Variants in CHST9 observed in about 807,000 individuals in gnomAD.
CHST9 encodes carbohydrate sulfotransferase 9.
CHST9 carries 41 observed loss-of-function variants against 44.4 expected under a neutral mutation model. That is an observed-to-expected ratio of 0.92 (90% CI 0.72 to 1.20). CHST9 has a LOEUF of 1.20. Among genes scored for constraint, CHST9 ranks in the 50% most tolerant of loss-of-function variants. CHST9 has a pLI of 0.00. For synonymous variants in CHST9, 171 were observed against 178.4 expected (o/e 0.96, Z 0.33); for missense variants, 504 against 516.5 (o/e 0.98, Z 0.23).
chr18:27,113,772 C>A (rs146619282), intron 2 of CHST9, among the ~76,000 whole-genome samples: 8 of 152,222 alleles, frequency 5.3e-5, no homozygotes, highest in African/African-American at 1.9e-4. Flanking sequence ...CCCCAGTTTA[C>A]GGTATTTTGT....
chr18:26,941,882 T>C (rs1041735554), intron 5 of CHST9, among the ~76,000 whole-genome samples: 2 of 152,162 alleles, frequency 1.3e-5, no homozygotes, highest in Non-Finnish European at 2.9e-5. Flanking sequence ...ACAGGCTGGA[T>C]ATTGGCCAGC....
chr18:26,951,454 G>A (rs759096332), intron 4 of CHST9, among the ~76,000 whole-genome samples: 6 of 152,132 alleles, frequency 3.9e-5, no homozygotes, highest in South Asian at 2.1e-4. Flanking sequence ...CTGCATTTCA[G>A]AAAAATGCCA....
Position 27,075,020 on chromosome 18 carries a change from T to A in CHST9, c.122-26517A>T, listed in dbSNP as rs201681873. 2.5e-3 allele frequency among the ~76,000 whole-genome samples: 374 copies of A among 150,584 alleles called. 1 individual carries two copies. Among genetic ancestry groups the A allele is most frequent in the African/African-American group, 8.8e-3 (362 of 41,168 alleles). ...TTTTCCACTATGTTTTTCTTTTTTT[T>A]ATGTGTAAAAGCTAGGAAATAGAGA... On this transcript the variant is annotated intron_variant, in intron 2 of 5. Coordinates refer to ENST00000618847, the MANE Select transcript of CHST9 (RefSeq NM_031422.6).
Position 27,185,214 on chromosome 18 carries a change from G to A in CHST9, c.-175C>T, listed in dbSNP as rs2058947348. The A allele has an allele frequency of 6.6e-6, 1 of 152,190 alleles. No individual in the cohort carries two copies. Among genetic ancestry groups the A allele is most frequent in the East Asian group, 1.9e-4 (1 of 5,146 alleles). 9.4% of individuals were successfully genotyped at this position (152,190 alleles called of 1,614,324 possible). A position where few individuals can be genotyped will look rare whatever the true frequency, so the allele number is the denominator to read the frequency against. On this transcript the variant is annotated 5_prime_UTR_variant, in exon 1 of 6. Transcript: ENST00000618847. ...TCGGAGGAAACTTCCCCGCGCTCCG[G>A]GGCAAACTCCCGCGCACTCCTGGCA... is the stretch of plus-strand genomic sequence containing the variant.
At chr18:26,941,523 CT>C (rs1311855003) in intron 5 of CHST9, among the ~76,000 whole-genome samples, 3 of 151,166 alleles carry the variant, frequency 2.0e-5, no homozygotes, top group Non-Finnish European at 4.4e-5. Context: ...AAAGTATTAT[CT>C]TTCATCTAGT....
chr18:26,952,862 G>A (rs2056269957), intron 4 of CHST9, among the ~76,000 whole-genome samples: 1 of 152,158 alleles, frequency 6.6e-6, no homozygotes, highest in African/African-American at 2.4e-5. Context: ...ATAAACTGCA[G>A]TGCCTCCTGA....
chr18:27,128,425 A>G (rs2058443699), intron 2 of CHST9, among the ~76,000 whole-genome samples: 1 of 152,098 alleles, frequency 6.6e-6, no homozygotes, highest in Admixed American at 6.5e-5. Context: ...AAGTGCCATG[A>G]CGCCCGGCTA....
rs531783735 is a variant in CHST9 at position 26,917,959 on chromosome 18, A to G, written c.241-609T>C. ...GAATTTATTATGATCATAGTATACAATCTCATTCACATATGAGACCTTCCC... is the reference window on the plus strand; with the variant it reads ...GAATTTATTATGATCATAGTATACAGTCTCATTCACATATGAGACCTTCCC... On this transcript the variant is annotated intron_variant, in intron 5 of 5. Coordinates refer to ENST00000618847, the MANE Select transcript of CHST9 (RefSeq NM_031422.6). Among the ~76,000 whole-genome samples the G allele has an allele frequency of 5.4e-4, 82 of 152,252 alleles. 1 individual carries two copies. The highest frequency in any genetic ancestry group is 2.3e-3 in the Admixed American group (35 of 15,288).
chr18:27,154,655 G>C (rs1452816825), intron 1 of CHST9, among the ~76,000 whole-genome samples: 2 of 151,998 alleles, frequency 1.3e-5, no homozygotes, highest in Admixed American at 1.3e-4. Context: ...CTGTCCTTTG[G>C]TTTATATGCA....
intron 4 of CHST9, among the ~76,000 whole-genome samples, chr18:26,953,331 G>C (rs531081388): frequency 6.6e-6 from 1 of 152,150 alleles, no homozygotes; most frequent in African/African-American, 2.4e-5. Flanking sequence ...TAGGGGAGAG[G>C]GTTTAGAGAG....
intron 2 of CHST9, among the ~76,000 whole-genome samples, chr18:27,111,484 G>A (rs2058270240): frequency 6.6e-6 from 1 of 152,224 alleles, no homozygotes; most frequent in East Asian, 1.9e-4. Context: ...AGGAGGGACA[G>A]GCATGGGGGA....
chr18:26,963,402 A>G lies in CHST9; in HGVS notation c.203-19036T>C, dbSNP rs2056425070. On this transcript the variant is annotated intron_variant, in intron 4 of 5. Transcript: ENST00000618847. ...CCTGGTAAGTCATCACCAGGACTAA[A>G]CAAACATTAATGTTGGTGCTTATTA... 6.6e-5 allele frequency among the ~76,000 whole-genome samples: 10 copies of G among 152,092 alleles called. No homozygotes were observed. In the South Asian group the frequency reaches 1.9e-3, roughly 28 times the overall value.
At chr18:27,075,470 T>C (rs951105854) in intron 2 of CHST9, among the ~76,000 whole-genome samples, 5 of 152,048 alleles carry the variant, frequency 3.3e-5, no homozygotes, top group East Asian at 3.9e-4. Flanking sequence ...TTTCCTAGGT[T>C]CTGATTCAGT....
intron 2 of CHST9, among the ~76,000 whole-genome samples, chr18:27,100,757 TATG>T (rs2058163546): frequency 6.6e-6 from 1 of 152,218 alleles, no homozygotes; most frequent in African/African-American, 2.4e-5. Flanking sequence ...TAAATCATAA[TATG>T]ATAAGAAAAT....
At position 26,909,313 on chromosome 18, in the gene CHST9, TCACA is replaced by T. The variant is rs535842889; in HGVS notation, c.*6942_*6945del. On this transcript the variant is annotated 3_prime_UTR_variant, in exon 6 of 6. Coordinates refer to ENST00000618847, the MANE Select transcript of CHST9 (RefSeq NM_031422.6). ...TATAATCAACCAGGACTTAAAAAAT[TCACA>T]CACACACGAGAAGTACCCCAAGAGA... 5.9e-5 allele frequency: 9 copies of T among 152,224 alleles called. No individual in the cohort carries two copies. The South Asian group carries it at 1.9e-3, about 32-fold the overall frequency. The allele number at this position is 152,224 out of a possible 1,614,324, so 9.4% of individuals were successfully genotyped here. A position where few individuals can be genotyped will look rare whatever the true frequency, so the allele number is the denominator to read the frequency against.
intron 4 of CHST9, among the ~76,000 whole-genome samples, chr18:26,970,067 G>A (rs2056522049): frequency 6.6e-6 from 1 of 152,058 alleles, no homozygotes; most frequent in South Asian, 2.1e-4. Context: ...TTCTTCCTTG[G>A]CCATTACCAT....
At chr18:26,989,245 C>G (rs776395829) in intron 4 of CHST9, among the ~76,000 whole-genome samples, 56 of 151,830 alleles carry the variant, frequency 3.7e-4, no homozygotes, top group African/African-American at 9.7e-4. Context: ...AAAAACAAAC[C>G]GTAGAATAAA....
chr18:26,979,584 A>C (rs1004158375), intron 4 of CHST9, among the ~76,000 whole-genome samples: 1 of 151,764 alleles, frequency 6.6e-6, no homozygotes, highest in African/African-American at 2.4e-5. Context: ...CATTCTAATG[A>C]CATGTTTCTG....
intron 1 of CHST9, among the ~76,000 whole-genome samples, chr18:27,144,549 G>A (rs754704093): frequency 7.2e-5 from 11 of 152,152 alleles, no homozygotes; most frequent in Middle Eastern, 3.4e-3. Context: ...TTAGCCCAGC[G>A]TGGTGCCATG....
Sources: gnomAD v4.1 joint callset for allele counts (sites outside exome capture counted in the v4.1 genomes callset) on GRCh38, gnomAD v4.1.1 for gene constraint, MANE v1.5 for transcripts, NCBI Gene and HGNC (gene_info 2026-07-23, HGNC 2026-07-21) for gene names.